Variants in TLK1 observed in about 807,000 individuals in gnomAD.
TLK1 encodes serine/threonine-protein kinase tousled-like 1.
In TLK1, 24 loss-of-function variants were observed where a neutral mutation model predicts 105.3. The ratio of observed to expected loss-of-function variants is 0.23; its 90% CI spans 0.17 to 0.32. The LOEUF (loss-of-function observed/expected upper bound fraction) is 0.32. TLK1 is among the 10% of genes least tolerant of loss of function. The pLI is 1.00. For missense variants in TLK1, 558 were observed against 910.5 expected, an observed-to-expected ratio of 0.61 and a Z score of 4.98; for synonymous variants, 321 against 310.4, an observed-to-expected ratio of 1.03 and a Z score of -0.36.
chr2:170,993,265 A>G lies in TLK1; in HGVS notation c.*515T>C, dbSNP rs1450243206. The stretch of plus-strand genomic sequence containing the variant: ...TCACATTCTATTACTATAAAACACA[A>G]CTGTCACTGTCATTCAGTTCTTACT... On this transcript the variant is annotated 3_prime_UTR_variant, in exon 21 of 21. Transcript: ENST00000431350. The G allele has an allele frequency of 6.6e-6, 1 of 152,658 alleles. No individual in the cohort carries two copies. Among genetic ancestry groups the G allele is most frequent in the Non-Finnish European group, 1.5e-5 (1 of 68,044 alleles). 9.5% of individuals were successfully genotyped at this position (152,658 alleles called of 1,614,324 possible).
intron 1 of TLK1, among the ~76,000 whole-genome samples, chr2:171,136,736 T>C (rs1009930840): frequency 1.3e-5 from 2 of 152,222 alleles, no homozygotes; most frequent in Admixed American, 6.5e-5. Flanking sequence ...GAGAAACATC[T>C]GCTCTTTAAC....
intron 4 of TLK1, among the ~76,000 whole-genome samples, chr2:171,060,757 G>T (rs993970674): frequency 1.3e-5 from 2 of 151,972 alleles, no homozygotes; most frequent in Non-Finnish European, 2.9e-5. Context: ...GGAAAAGTTT[G>T]AGTAGTTCTG....
upstream of TLK1, among the ~76,000 whole-genome samples, chr2:171,164,455 A>T (rs1692571475): frequency 6.6e-6 from 1 of 152,210 alleles, no homozygotes; most frequent in Non-Finnish European, 1.5e-5. Context: ...AGAGTTCAAG[A>T]CTAGCCTGGG....
Position 170,993,667 on chromosome 2 carries a change from GTA to G in TLK1, c.*111_*112del, listed in dbSNP as rs1683892690. The G allele has an allele frequency of 2.0e-6, 1 of 497,212 alleles. No individual in the cohort carries two copies. The allele number at this position is 497,212 out of a possible 1,614,324, so 30.8% of individuals were successfully genotyped here. On this transcript the variant is annotated 3_prime_UTR_variant, in exon 21 of 21. Transcript: ENST00000431350. The stretch of plus-strand genomic sequence containing the variant: ...CAAACAGTTCTTAACCACGTCTTGT[GTA>G]AAAAAAAAAAAAAAAAAAAAAGAAA...
chr2:171,043,733 T>C (rs1394751440), intron 11 of TLK1, among the ~76,000 whole-genome samples: 4 of 152,156 alleles, frequency 2.6e-5, no homozygotes, highest in African/African-American at 9.7e-5. Flanking sequence ...AGCTAACACA[T>C]ACTTTGCTTT....
At chr2:171,176,731 C>T (rs1692836027) in intron 1 of TLK1, among the ~76,000 whole-genome samples, 1 of 152,246 alleles carries the variant, frequency 6.6e-6, no homozygotes, top group African/African-American at 2.4e-5. Flanking sequence ...CTACATTGCC[C>T]TCAGCGTCCA....
chr2:171,006,812 A>C lies in TLK1; in HGVS notation c.1586T>G (p.Leu529Trp). The change falls in exon 16 of 21, where the codon TTG (leucine) becomes TGG (tryptophan). Residue 529 changes from leucine (L) to tryptophan (W), a missense_variant. By Grantham distance (61) the Leu-to-Trp change is moderately conservative. Around this residue, in one of 5 missense-constraint regions of TLK1, gnomAD observed 218 missense variants for 492.9 expected, o/e 0.44. Transcript: ENST00000431350. The part of the protein sequence containing the change: ...RIVKLYDYFS[L>W]DTDTFCTVLE... ...AATATTCACTTACGTATCTGTATCC[A>C]AGGAGAAATAATCATAGAGTTTAAC... 1 of 1,612,846 alleles carries C rather than the reference A, an allele frequency of 6.2e-7. No individual in the cohort carries two copies. Among genetic ancestry groups the C allele is most frequent in the Non-Finnish European group, 8.5e-7 (1 of 1,179,170 alleles).
chr2:171,071,348 C>T (rs576178283), intron 3 of TLK1, among the ~76,000 whole-genome samples: 64 of 151,888 alleles, frequency 4.2e-4, no homozygotes, highest in African/African-American at 1.5e-3. Context: ...AGTGCAGTGG[C>T]GTGATCTCAG....
Position 171,006,517 on chromosome 2 carries a change from G to A in TLK1, c.1725C>T (p.Leu575=). The A allele has an allele frequency of 6.2e-7, 1 of 1,612,440 alleles. No homozygotes were observed. The highest frequency in any genetic ancestry group is 1.1e-5 in the South Asian group (1 of 91,020). Residue 575 remains leucine, a synonymous_variant, in exon 17 of 21, where the codon CTC becomes CTT. Transcript: ENST00000431350. The part of the protein sequence containing the change: ...VMQIVNALRY[L]NEIKPPIIHY... ...GTATAATAGGGGGTTTGATCTCATT[G>A]AGATATCTTAGTGCATTTACAATCT...
At chr2:171,227,906 T>C (rs1420889409) in intron 1 of TLK1, among the ~76,000 whole-genome samples, 1 of 152,180 alleles carries the variant, frequency 6.6e-6, no homozygotes, top group Non-Finnish European at 1.5e-5. Context: ...CCAGACGCGG[T>C]GGCTCACACC....
intron 2 of TLK1, among the ~76,000 whole-genome samples, chr2:171,106,665 T>C (rs537311913): frequency 3.5e-4 from 54 of 152,312 alleles, no homozygotes; most frequent in Admixed American, 9.8e-4. Flanking sequence ...TACCAGCAAT[T>C]TGATCCTTAG....
chr2:171,227,694 C>T lies in TLK1; in HGVS notation c.-6+3451G>A, dbSNP rs547050138. ...CAGTCGAACAGCCAGAAAAATATTA[C>T]AGCCCTCCCTTGTCTTACCTCTACA... On this transcript the variant is annotated intron_variant, in intron 1 of 20. Coordinates refer to the TLK1 transcript ENST00000521943. 1.5e-3 allele frequency among the ~76,000 whole-genome samples: 218 copies of T among 145,898 alleles called. 2 individuals are homozygous for T. Among genetic ancestry groups the T allele is most frequent in the South Asian group, 5.4e-3 (25 of 4,616 alleles).
intron 1 of TLK1, among the ~76,000 whole-genome samples, chr2:171,215,481 G>C (rs935931087): frequency 1.3e-5 from 2 of 152,170 alleles, no homozygotes; most frequent in Non-Finnish European, 2.9e-5. Context: ...ACACTAGGCA[G>C]AGCAAATCTG....
At chr2:171,001,887 TCTC>T (rs948362683) in intron 18 of TLK1, among the ~76,000 whole-genome samples, 3 of 152,084 alleles carry the variant, frequency 2.0e-5, no homozygotes, top group African/African-American at 7.2e-5. Context: ...TTCAAGCAAT[TCTC>T]CTGCCTCAGC....
At chr2:171,072,163 T>A (rs1049088787) in intron 3 of TLK1, among the ~76,000 whole-genome samples, 7 of 152,224 alleles carry the variant, frequency 4.6e-5, no homozygotes, top group Non-Finnish European at 5.9e-5. Context: ...AGGGATTACA[T>A]TAAACCTATA....
intron 1 of TLK1, among the ~76,000 whole-genome samples, chr2:171,189,574 C>T (rs1693102948): frequency 6.6e-6 from 1 of 152,176 alleles, no homozygotes; most frequent in South Asian, 2.1e-4. Context: ...CAAAGTCCCA[C>T]AGGGTGGCAA....
intron 1 of TLK1, among the ~76,000 whole-genome samples, chr2:171,219,747 C>T (rs532968738): frequency 1.8e-4 from 28 of 152,178 alleles, no homozygotes; most frequent in African/African-American, 5.5e-4. Context: ...ATTAAAGGCA[C>T]GTGCCACCAC....
At chr2:171,006,406 T>A (rs947998324) in intron 17 of TLK1, 68 bp downstream of exon 17, 16 of 1,494,948 alleles carry the variant, frequency 1.1e-5, no homozygotes, top group African/African-American at 7.0e-5. Flanking sequence ...TGTTTTCAGA[T>A]AACTTAATGA....
At chr2:171,227,837 A>G (rs77110749) in intron 1 of TLK1, among the ~76,000 whole-genome samples, 7,652 of 152,134 alleles carry the variant, frequency 0.05, 269 homozygotes, top group Non-Finnish European at 0.072. Flanking sequence ...GGAGTATATT[A>G]GACACCTTGG....
Sources: allele counts gnomAD v4.1 joint callset (sites outside exome capture counted in the v4.1 genomes callset), GRCh38; gene constraint gnomAD v4.1.1; regional missense constraint gnomAD v4.1.1; transcripts MANE v1.5; gene names NCBI Gene and HGNC (gene_info 2026-07-23, HGNC 2026-07-21).